The following FRMPD4 variants were observed in gnomAD, a reference collection of about 807,000 sequenced individuals.
The protein encoded by FRMPD4 is FERM and PDZ domain-containing protein 4.
FRMPD4 carries 22 observed loss-of-function variants against 94.1 expected under a neutral mutation model. That is an observed-to-expected ratio of 0.23 (90% confidence interval 0.17 to 0.33). The LOEUF is 0.33. Among genes scored for constraint, FRMPD4 ranks in the 10% least tolerant of loss-of-function variants. The pLI, the probability that FRMPD4 is intolerant of heterozygous loss-of-function variation, is 1.00. For missense variants in FRMPD4, 1,111 were observed against 1,339.9 expected (o/e 0.83, Z 2.67); for synonymous variants, 631 against 548.6 (o/e 1.15, Z -2.10).
chrX:12,400,759 CT>C, intron 1 of FRMPD4, among the ~76,000 whole-genome samples: 2 of 111,980 alleles, frequency 1.8e-5, no homozygotes, highest in South Asian at 3.7e-4. Flanking sequence ...TGTTTTATTA[CT>C]GTTTCTGTTT....
chrX:12,371,731 A>G (rs2056166215), intron 1 of FRMPD4, among the ~76,000 whole-genome samples: 3 of 111,768 alleles, frequency 2.7e-5, no homozygotes. Flanking sequence ...AAATATGCCT[A>G]TGATGATGGT....
At chrX:12,501,092 AGCTAGCTCT>A (rs1346365713) in intron 2 of FRMPD4, among the ~76,000 whole-genome samples, 1 of 112,303 alleles carries the variant, frequency 8.9e-6, no homozygotes, top group African/African-American at 3.2e-5. Flanking sequence ...TGGGAACGTC[AGCTAGCTCT>A]GCCTTCATGC....
At chrX:12,355,818 G>A (rs888279797) in intron 1 of FRMPD4, among the ~76,000 whole-genome samples, 5 of 111,719 alleles carry the variant, frequency 4.5e-5, no homozygotes, top group Non-Finnish European at 7.5e-5. Context: ...TTCACCCTCT[G>A]AAGATTCACT....
chrX:12,091,135 A>G (rs1390006426), intron 3 of FRMPD4, among the ~76,000 whole-genome samples: 1 of 112,421 alleles, frequency 8.9e-6, no homozygotes, highest in African/African-American at 3.2e-5. Context: ...TTTAATCCTC[A>G]TAATGACTAT....
intron 9 of FRMPD4, among the ~76,000 whole-genome samples, chrX:12,696,939 A>G (rs184709676): frequency 8.9e-6 from 1 of 111,849 alleles, no homozygotes; most frequent in East Asian, 2.8e-4. Flanking sequence ...AAAGACACAG[A>G]ACATACAAGA....
intron 1 of FRMPD4, among the ~76,000 whole-genome samples, chrX:11,862,139 C>T (rs1305115411): frequency 1.8e-5 from 2 of 111,275 alleles, no homozygotes; most frequent in Admixed American, 1.9e-4. Flanking sequence ...CCACCAGGCC[C>T]CACCTCCAAC....
intron 1 of FRMPD4, among the ~76,000 whole-genome samples, chrX:12,475,305 A>G (rs1914301783): frequency 8.9e-6 from 1 of 112,121 alleles, no homozygotes; most frequent in African/African-American, 3.2e-5. Context: ...TATTGATGGG[A>G]CGTATCTCAA....
intron 3 of FRMPD4, among the ~76,000 whole-genome samples, chrX:11,975,115 T>C (rs145322610): frequency 1.7e-3 from 195 of 111,914 alleles, no homozygotes; most frequent in African/African-American, 5.9e-3. Flanking sequence ...TGTTCTTTCA[T>C]AGAGCCTGAT....
At chrX:12,363,603 A>G (rs2056029500) in intron 1 of FRMPD4, among the ~76,000 whole-genome samples, 1 of 112,710 alleles carries the variant, frequency 8.9e-6, no homozygotes, top group African/African-American at 3.2e-5. Flanking sequence ...GCCACTCTTC[A>G]TTTCCATGGC....
At chrX:12,550,273 ATAAT>A (rs1274258389) in intron 2 of FRMPD4, among the ~76,000 whole-genome samples, 1 of 110,904 alleles carries the variant, frequency 9.0e-6, no homozygotes, top group Non-Finnish European at 1.9e-5. Flanking sequence ...CCTTTTAACC[ATAAT>A]TAAAGTATAT....
chrX:12,010,159 G>C (rs1008989105), intron 3 of FRMPD4, among the ~76,000 whole-genome samples: 1 of 111,752 alleles, frequency 8.9e-6, no homozygotes, highest in East Asian at 2.8e-4. Context: ...CTGAGTAGTT[G>C]TGTGACCATA....
At chrX:12,410,374 G>C (rs2056716969) in intron 1 of FRMPD4, among the ~76,000 whole-genome samples, 1 of 111,489 alleles carries the variant, frequency 9.0e-6, no homozygotes, top group African/African-American at 3.3e-5. Flanking sequence ...TGAGCCTGGG[G>C]ATGTTAAGAT....
chrX:12,716,000 C>CGGGCGG, intron 14 of FRMPD4, 69 bp from the exon 15 acceptor site: 1 of 334,685 alleles, frequency 3.0e-6, no homozygotes, highest in African/African-American at 2.7e-5. Context: ...AGAGACGAGC[C>CGGGCGG]TCCCACCCCC....
rs149496258 is a variant in FRMPD4, at chrX:12,571,025, A to G, written c.159-38696A>G. Among the ~76,000 whole-genome samples, 519 of 112,733 alleles carry G rather than the reference A, an allele frequency of 4.6e-3. 2 individuals carry two copies. The highest frequency in any genetic ancestry group is 0.015 in the African/African-American group (478 of 31,067). ...AGTGCATAAAAGGGGATTACCATAA[A>G]TAAAAATAAATGTTATTTTTGTTTT... On this transcript the variant is annotated intron_variant, in intron 2 of 16. Coordinates refer to ENST00000675598, the MANE Select transcript of FRMPD4 (RefSeq NM_001368397.1).
chrX:12,130,156 G>A (rs373539775), intron 3 of FRMPD4, among the ~76,000 whole-genome samples: 2 of 110,102 alleles, frequency 1.8e-5, no homozygotes, highest in East Asian at 2.9e-4. Context: ...GTAAGGGGGT[G>A]GGGACAGAGA....
At chrX:11,969,644 A>G (rs970609617) in intron 3 of FRMPD4, among the ~76,000 whole-genome samples, 6 of 112,064 alleles carry the variant, frequency 5.4e-5, no homozygotes, top group South Asian at 3.8e-4. Context: ...CTGTCTTGCT[A>G]TAGACCCACT....
At chrX:12,177,506 T>C (rs1449311126) in intron 1 of FRMPD4, among the ~76,000 whole-genome samples, 3 of 112,548 alleles carry the variant, frequency 2.7e-5, no homozygotes, top group Non-Finnish European at 5.6e-5. Flanking sequence ...TGAAGGTTAC[T>C]GCTTATATAT....
At chrX:12,552,405 A>C (rs1243000984) in intron 2 of FRMPD4, among the ~76,000 whole-genome samples, 1 of 111,561 alleles carries the variant, frequency 9.0e-6, no homozygotes, top group Non-Finnish European at 1.9e-5. Flanking sequence ...ATCTCTCAGC[A>C]CCAATATAAG....
At chrX:11,970,345 C>G (rs2054333539) in intron 3 of FRMPD4, among the ~76,000 whole-genome samples, 1 of 111,600 alleles carries the variant, frequency 9.0e-6, no homozygotes, top group Non-Finnish European at 1.9e-5. Flanking sequence ...ACCATTAGAC[C>G]TACATTCCCA....
Sources: allele counts gnomAD v4.1 joint callset (sites outside exome capture counted in the v4.1 genomes callset), GRCh38; gene constraint gnomAD v4.1.1; transcripts MANE v1.5; gene names NCBI Gene and HGNC (gene_info 2026-07-23, HGNC 2026-07-21).